Variants in HHAT observed in about 807,000 individuals in gnomAD.
The protein encoded by HHAT is protein-cysteine N-palmitoyltransferase HHAT.
A neutral mutation model predicts 70.8 loss-of-function variants in HHAT; 47 were observed. The ratio of observed to expected loss-of-function variants is 0.66; its 90% CI spans 0.53 to 0.85. The LOEUF (loss-of-function observed/expected upper bound fraction) is 0.85, where lower values mean the gene tolerates loss of function less well. Ranked by LOEUF, HHAT falls within the 40% of genes least tolerant of loss-of-function variation. The pLI is 0.00. For missense variants in HHAT, 609 were observed against 604.8 expected, an observed-to-expected ratio of 1.01 and a Z score of -0.07; for synonymous variants, 228 against 247.6, an observed-to-expected ratio of 0.92 and a Z score of 0.74.
intron 6 of HHAT, among the ~76,000 whole-genome samples, chr1:210,415,874 G>A (rs11119487): frequency 0.11 from 16,798 of 151,978 alleles, 1,173 homozygotes; most frequent in East Asian, 0.22. Context: ...GGCCAGGCTG[G>A]TCTTGAACTC....
chr1:210,590,460 A>G (rs6683265), intron 10 of HHAT: 127,234 of 149,124 alleles, frequency 0.85, 54,624 homozygotes, highest in East Asian at 0.95. Flanking sequence ...CGGTAAAGAA[A>G]TTTAGTATAC....
intron 11 of HHAT, 29 bp from the exon 12 acceptor site, chr1:210,674,259 G>A (rs1284184410): frequency 6.3e-7 from 1 of 1,575,802 alleles, no homozygotes; most frequent in Non-Finnish European, 8.7e-7. Flanking sequence ...ATTTCTAACT[G>A]CTCTTCCATC....
chr1:210,555,260 C>T (rs893083083), intron 9 of HHAT, among the ~76,000 whole-genome samples: 12 of 152,198 alleles, frequency 7.9e-5, no homozygotes, highest in African/African-American at 2.9e-4. Context: ...CTCTGCTGCC[C>T]GTAGTTCTAC....
intron 9 of HHAT, among the ~76,000 whole-genome samples, chr1:210,542,812 A>G (rs2095444118): frequency 6.6e-6 from 1 of 152,080 alleles, no homozygotes; most frequent in Non-Finnish European, 1.5e-5. Context: ...AAAAACAAAA[A>G]TAAAATAATA....
Position 210,587,806 on chromosome 1 carries a change from C to T in HHAT, c.1044-92C>T, listed in dbSNP as rs1660803915. The T allele has an allele frequency of 1.3e-5, 12 of 893,336 alleles. No homozygotes were observed. In the South Asian group the frequency reaches 1.8e-4, roughly 13 times the overall value. The allele number at this position is 893,336 out of a possible 1,614,324, so 55.3% of individuals were successfully genotyped here. ...GTGAGGAAGGATCTGCATATGTGAA[C>T]AGCAGTATGTGACAGGATAGTCAAG... On this transcript the variant is annotated intron_variant, in intron 9 of 11. Transcript: ENST00000261458.
At chr1:210,381,187 C>T (rs767984079) in intron 3 of HHAT, among the ~76,000 whole-genome samples, 1 of 151,784 alleles carries the variant, frequency 6.6e-6, no homozygotes, top group Non-Finnish European at 1.5e-5. Context: ...AATTGATATG[C>T]TGTGATTGAC....
intron 9 of HHAT, among the ~76,000 whole-genome samples, chr1:210,546,427 G>C (rs903611798): frequency 6.6e-6 from 1 of 152,234 alleles, no homozygotes; most frequent in Non-Finnish European, 1.5e-5. Flanking sequence ...AGATGGAGGA[G>C]AAGGGAACTG....
At chr1:210,485,077 G>A (rs1649662294) in intron 8 of HHAT, among the ~76,000 whole-genome samples, 2 of 152,074 alleles carry the variant, frequency 1.3e-5, no homozygotes, top group South Asian at 4.2e-4. Flanking sequence ...TCAGTGTCTT[G>A]CCTCGTGTTG....
intron 10 of HHAT, among the ~76,000 whole-genome samples, chr1:210,621,962 C>T (rs1029265767): frequency 1.3e-5 from 2 of 152,120 alleles, no homozygotes; most frequent in African/African-American, 2.4e-5. Flanking sequence ...CAGAGGGTAG[C>T]AGCCAGATCT....
At chr1:210,552,772 G>A (rs1011573863) in intron 9 of HHAT, among the ~76,000 whole-genome samples, 4 of 152,220 alleles carry the variant, frequency 2.6e-5, no homozygotes, top group Non-Finnish European at 5.9e-5. Context: ...TGCCAGGAGA[G>A]CAAATGGGGC....
intron 8 of HHAT, among the ~76,000 whole-genome samples, chr1:210,469,487 T>C (rs2094162709): frequency 2.0e-5 from 3 of 152,152 alleles, no homozygotes; most frequent in African/African-American, 4.8e-5. Flanking sequence ...ATGGGGCTGA[T>C]CATAGTACTC....
chr1:210,457,639 GGGGC>G (rs1326031912), intron 7 of HHAT, among the ~76,000 whole-genome samples: 1 of 152,190 alleles, frequency 6.6e-6, no homozygotes, highest in African/African-American at 2.4e-5. Flanking sequence ...ACAGAGCTAA[GGGGC>G]ACCTCTCTCC....
At chr1:210,501,548 A>C (rs1007703331) in intron 8 of HHAT, among the ~76,000 whole-genome samples, 1 of 152,252 alleles carries the variant, frequency 6.6e-6, no homozygotes, top group Non-Finnish European at 1.5e-5. Flanking sequence ...TGCCTGCAGC[A>C]CCAAAGTGGG....
intron 11 of HHAT, among the ~76,000 whole-genome samples, chr1:210,639,140 C>A (rs1672502432): frequency 6.6e-6 from 1 of 152,164 alleles, no homozygotes; most frequent in Non-Finnish European, 1.5e-5. Context: ...TTTATCCATT[C>A]ATCCATGCAC....
intron 4 of HHAT, among the ~76,000 whole-genome samples, chr1:210,397,934 G>T (rs1474168822): frequency 6.6e-6 from 1 of 152,226 alleles, no homozygotes; most frequent in African/African-American, 2.4e-5. Context: ...GCCCTGCCAT[G>T]ATGCCAGTTG....
At chr1:210,665,651 C>T (rs1022101887) in intron 11 of HHAT, among the ~76,000 whole-genome samples, 1 of 152,260 alleles carries the variant, frequency 6.6e-6, no homozygotes, top group Non-Finnish European at 1.5e-5. Flanking sequence ...CTAGATAAAT[C>T]GTGGATAATG....
Position 210,602,708 on chromosome 1 carries a change from C to T in HHAT, c.1245+14609C>T, listed in dbSNP as rs537291660. Among the ~76,000 whole-genome samples, 13 of 151,274 alleles carry T rather than the reference C, an allele frequency of 8.6e-5. 1 individual carries two copies. In the South Asian group the frequency reaches 2.7e-3, roughly 32 times the overall value. On this transcript the variant is annotated intron_variant, in intron 10 of 11. Coordinates refer to ENST00000261458, the MANE Select transcript of HHAT (RefSeq NM_018194.6). ...CCTGTTGTGCCAGCTTATTAGTGCTCACCCGGGCCTCTGGGTCTGGAAAAA... is the reference window on the plus strand; with the variant it reads ...CCTGTTGTGCCAGCTTATTAGTGCTTACCCGGGCCTCTGGGTCTGGAAAAA...
intron 5 of HHAT, among the ~76,000 whole-genome samples, chr1:210,403,473 GATC>G (rs2092178050): frequency 6.6e-6 from 1 of 152,192 alleles, no homozygotes; most frequent in Admixed American, 6.5e-5. Flanking sequence ...TGAGGAAGGA[GATC>G]ATGTGATTAG....
chr1:210,422,836 C>G (rs935673326), intron 7 of HHAT, among the ~76,000 whole-genome samples: 2 of 152,080 alleles, frequency 1.3e-5, no homozygotes, highest in African/African-American at 4.8e-5. Context: ...GGGGTTTCAC[C>G]ACGTTGGCCA....
Sources: allele counts gnomAD v4.1 joint callset (sites outside exome capture counted in the v4.1 genomes callset), GRCh38; gene constraint gnomAD v4.1.1; transcripts MANE v1.5; gene names NCBI Gene and HGNC (gene_info 2026-07-23, HGNC 2026-07-21).